The following KIF25 variants were observed in gnomAD, a reference collection of about 807,000 sequenced individuals.
The protein encoded by KIF25 is kinesin-like protein KIF25.
In KIF25, 19 loss-of-function variants were observed where a neutral mutation model predicts 32.9. The ratio of observed to expected loss-of-function variants is 0.58; its 90% CI spans 0.40 to 0.85. KIF25 has a LOEUF of 0.85. Among genes scored for constraint, KIF25 ranks in the 40% least tolerant of loss-of-function variants. The pLI is 0.00. For missense variants in KIF25, 485 were observed against 507.0 expected (o/e 0.96, Z 0.42); for synonymous variants, 225 against 213.7 (o/e 1.05, Z -0.46).
chr6:168,007,337 G>A (rs944550525), intron 4 of KIF25, among the ~76,000 whole-genome samples: 1 of 152,124 alleles, frequency 6.6e-6, no homozygotes, highest in Non-Finnish European at 1.5e-5. Flanking sequence ...CTTGAATCCG[G>A]GAGGCAGAGG....
intron 8 of KIF25, among the ~76,000 whole-genome samples, chr6:168,037,176 C>T (rs1039350186): frequency 2.6e-5 from 4 of 152,216 alleles, no homozygotes; most frequent in Non-Finnish European, 4.4e-5. Context: ...CTGAACCTGT[C>T]GAATCCAAAT....
chr6:168,044,671 C>G (rs1226625649), intron 12 of KIF25, among the ~76,000 whole-genome samples, 156 bp from the exon 13 acceptor site: 1 of 151,876 alleles, frequency 6.6e-6, no homozygotes, highest in Non-Finnish European at 1.5e-5. Flanking sequence ...CTCCTGGACC[C>G]CCGTCCCAGG....
At chr6:168,006,608 T>C (rs1798583046) in intron 4 of KIF25, among the ~76,000 whole-genome samples, 1 of 152,216 alleles carries the variant, frequency 6.6e-6, no homozygotes, top group Non-Finnish European at 1.5e-5. Context: ...GCTGGGCCTC[T>C]CCTTCATTCA....
chr6:168,006,956 AC>A (rs916932553), intron 4 of KIF25, among the ~76,000 whole-genome samples: 5 of 152,172 alleles, frequency 3.3e-5, no homozygotes, highest in African/African-American at 9.7e-5. Flanking sequence ...AGAAAGAAAA[AC>A]TTTTACAATT....
At chr6:168,025,087 T>C (rs1265009595) in intron 5 of KIF25, among the ~76,000 whole-genome samples, 1 of 152,078 alleles carries the variant, frequency 6.6e-6, no homozygotes, top group African/African-American at 2.4e-5. Flanking sequence ...ATGTTTGGAA[T>C]GGAACAGGGT....
At chr6:168,016,026 A>G (rs1798707620) in intron 4 of KIF25, among the ~76,000 whole-genome samples, 1 of 152,204 alleles carries the variant, frequency 6.6e-6, no homozygotes, top group African/African-American at 2.4e-5. Flanking sequence ...ATACTGGAGC[A>G]CTAGGATTAC....
At chr6:168,011,037 A>ATAGT (rs1160266015) in intron 4 of KIF25, among the ~76,000 whole-genome samples, 4 of 152,116 alleles carry the variant, frequency 2.6e-5, no homozygotes, top group African/African-American at 9.7e-5. Flanking sequence ...TAGACAGCAT[A>ATAGT]TAGTTGGGTC....
In KIF25 at chr6:168,042,572, G is replaced by C. The variant is rs555143593; in HGVS notation, c.841G>C (p.Val281Leu). ...GCGGTCCTGTCCAGGTGTGTCTGGA[G>C]TGACCGGGTTGGCCCTGAGGGAGAT... ...AGSECVGVSG[V>L]TGLALREMAC... Residue 281 changes from valine (V) to leucine (L), a missense_variant, in exon 12 of 13, where the codon GTG becomes CTG. Transcript: ENST00000643607. 3 of 1,613,752 alleles carry C rather than the reference G, an allele frequency of 1.9e-6. No homozygotes were observed. Among genetic ancestry groups the C allele is most frequent in the African/African-American group, 2.7e-5 (2 of 75,040 alleles).
chr6:168,023,653 C>T (rs1277222739), intron 5 of KIF25, among the ~76,000 whole-genome samples: 1 of 152,218 alleles, frequency 6.6e-6, no homozygotes, highest in Non-Finnish European at 1.5e-5. Flanking sequence ...CCATCCGCCT[C>T]AGCCTCCCAA....
intron 8 of KIF25, among the ~76,000 whole-genome samples, chr6:168,035,439 GGA>G (rs1799004179): frequency 1.2e-5 from 1 of 82,378 alleles, no homozygotes; most frequent in Non-Finnish European, 2.7e-5. Context: ...ACGGCGCGGC[GGA>G]GGAGGCGGGA....
intron 5 of KIF25, among the ~76,000 whole-genome samples, chr6:168,026,857 C>T (rs183749971): frequency 1.5e-3 from 223 of 152,314 alleles, no homozygotes; most frequent in African/African-American, 4.0e-3. Context: ...TCTTGTAGAA[C>T]AGGAATTTAC....
intron 2 of KIF25, among the ~76,000 whole-genome samples, chr6:167,999,675 G>T (rs893908447): frequency 3.9e-5 from 6 of 152,148 alleles, no homozygotes; most frequent in Admixed American, 3.9e-4. Context: ...TATCAAAAAG[G>T]GAGCACCCTG....
intron 5 of KIF25, among the ~76,000 whole-genome samples, chr6:168,023,189 G>A (rs1458870565): frequency 1.3e-5 from 2 of 151,904 alleles, no homozygotes; most frequent in Non-Finnish European, 2.9e-5. Context: ...CTCAGCCTGG[G>A]TGCTTGCAGT....
chr6:168,035,479 T>TGCGGGGCGGGCGGGAACGGC (rs1799008797), intron 8 of KIF25, among the ~76,000 whole-genome samples: 2 of 28,812 alleles, frequency 6.9e-5, no homozygotes, highest in African/African-American at 1.4e-4. Flanking sequence ...GCGGGAACGG[T>TGCGGGGCGGGCGGGAACGGC]GCTGAGGTGG....
intron 7 of KIF25, among the ~76,000 whole-genome samples, chr6:168,031,861 C>T (rs2114901043): frequency 6.6e-6 from 1 of 152,286 alleles, no homozygotes. Flanking sequence ...AGAGATTTAT[C>T]CTGAGCCAAA....
chr6:168,042,880 C>T (rs1463854807), intron 12 of KIF25, among the ~76,000 whole-genome samples, 164 bp downstream of exon 12: 2 of 152,174 alleles, frequency 1.3e-5, no homozygotes, highest in Non-Finnish European at 2.9e-5. Flanking sequence ...TGGTCATTCT[C>T]CTGCGCCGTC....
rs767012467 is a variant in KIF25, at chr6:168,040,139, T to G, written c.569T>G (p.Leu190Arg). ...CAGCTCAGGGCGAAGCACCCCACCC[T>G]GGTGCACGCGGATTCCTCCAGGTCT... ...GLQLRAKHPT[L>R]VHADSSRSHL... Residue 190 changes from leucine to arginine, a missense_variant, in exon 10 of 13, where the codon CTG (leucine) becomes CGG (arginine). Physicochemically the swap from Leu to Arg is moderately radical, Grantham distance 102. Around this residue, in one of 2 missense-constraint regions of KIF25, gnomAD observed 480 missense variants for 470.3 expected, o/e 1.02. Coordinates refer to ENST00000643607, the MANE Select transcript of KIF25 (RefSeq NM_030615.4). The G allele has an allele frequency of 3.7e-6, 6 of 1,614,130 alleles. No individual in the cohort carries two copies. In the South Asian group the frequency reaches 6.6e-5, roughly 18 times the overall value.
intron 5 of KIF25, among the ~76,000 whole-genome samples, chr6:168,019,822 G>A (rs902645377): frequency 8.5e-5 from 13 of 152,168 alleles, no homozygotes; most frequent in African/African-American, 3.1e-4. Flanking sequence ...GGGAGTGGGC[G>A]CTCAGAGAAC....
chr6:168,028,082 G>A (rs1312030788), intron 5 of KIF25, among the ~76,000 whole-genome samples: 3 of 152,080 alleles, frequency 2.0e-5, no homozygotes, highest in Non-Finnish European at 4.4e-5. Flanking sequence ...CATTAAACTC[G>A]TGGTCTGTTG....
Sources: allele counts gnomAD v4.1 joint callset (sites outside exome capture counted in the v4.1 genomes callset), GRCh38; gene constraint gnomAD v4.1.1; regional missense constraint gnomAD v4.1.1; transcripts MANE v1.5; gene names NCBI Gene and HGNC (gene_info 2026-07-23, HGNC 2026-07-21).